HERC1: variants seen among roughly 807,000 people sequenced by gnomAD.
HERC1 encodes the protein HECT and RLD domain containing E3 ubiquitin protein ligase family member 1.
In HERC1, 160 loss-of-function variants were observed where a neutral mutation model predicts 554.3. The ratio of observed to expected loss-of-function variants is 0.29; its 90% CI spans 0.25 to 0.33. The LOEUF (loss-of-function observed/expected upper bound fraction) is 0.33. HERC1 is among the 10% of genes least tolerant of loss of function. HERC1 has a pLI of 1.00. For missense variants in HERC1, 4,919 were observed against 5,918.5 expected, an observed-to-expected ratio of 0.83 and a Z score of 5.54; for synonymous variants, 2,175 against 2,131.7, an observed-to-expected ratio of 1.02 and a Z score of -0.56.
chr15:63,789,815 A>AATAAATAAATAT (rs1194003043), intron 1 of HERC1, among the ~76,000 whole-genome samples: 1 of 149,718 alleles, frequency 6.7e-6, no homozygotes, highest in Non-Finnish European at 1.5e-5. Context: ...TAAATAAATA[A>AATAAATAAATAT]ATAAATAAAT....
At chr15:63,785,362 G>GA (rs1226337616) in intron 1 of HERC1, among the ~76,000 whole-genome samples, 4 of 152,150 alleles carry the variant, frequency 2.6e-5, no homozygotes, top group African/African-American at 9.7e-5. Context: ...TCAAAGCTGT[G>GA]AGCTATAAGT....
chr15:63,634,596 TATCA>T, intron 66 of HERC1, 133 bp downstream of exon 66: 1 of 619,750 alleles, frequency 1.6e-6, no homozygotes, highest in Non-Finnish European at 2.7e-6. Context: ...CAGTTAAAAT[TATCA>T]ATTAGACCAT....
chr15:63,635,993 T>A lies in HERC1; in HGVS notation c.12382A>T (p.Ile4128Phe). Residue 4128 changes from isoleucine to phenylalanine, a missense_variant, in exon 65 of 78, where the codon ATC (isoleucine) becomes TTC (phenylalanine). Coordinates refer to ENST00000443617, the MANE Select transcript of HERC1 (RefSeq NM_003922.4). ...NSDRQRRPRQ[I>F]EALQGEEVVQ... ...ACTTCTTCTCCTTGTAAGGCCTCGA[T>A]CTGCCTGGGCCGCCGCTGCCTGTCG... is the stretch of plus-strand genomic sequence containing the variant. The A allele has an allele frequency of 6.2e-7, 1 of 1,613,978 alleles. No homozygotes were observed. The highest frequency in any genetic ancestry group is 8.5e-7 in the Non-Finnish European group (1 of 1,179,874).
intron 77 of HERC1, among the ~76,000 whole-genome samples, chr15:63,609,862 G>T (rs1411673120): frequency 6.6e-6 from 1 of 152,152 alleles, no homozygotes; most frequent in African/African-American, 2.4e-5. Flanking sequence ...CATTTAAAAT[G>T]ATAATTATGA....
intron 1 of HERC1, among the ~76,000 whole-genome samples, chr15:63,795,188 G>C (rs1291101842): frequency 1.3e-5 from 2 of 150,564 alleles, no homozygotes; most frequent in Non-Finnish European, 2.9e-5. Context: ...ACAAGTTTCT[G>C]CTTTAAAGAT....
intron 37 of HERC1, among the ~76,000 whole-genome samples, chr15:63,675,824 A>ATTACC (rs760191751): frequency 8.0e-5 from 12 of 150,722 alleles, no homozygotes; most frequent in East Asian, 3.9e-4. Flanking sequence ...TTGGTTCTAT[A>ATTACC]TTACCTTTCT....
intron 1 of HERC1, among the ~76,000 whole-genome samples, chr15:63,827,265 TCAA>T (rs903767791): frequency 6.6e-6 from 1 of 151,802 alleles, no homozygotes; most frequent in Non-Finnish European, 1.5e-5. Flanking sequence ...TCTCAAAAAA[TCAA>T]CAAATTAGCC....
chr15:63,763,105 C>T (rs991112610), intron 3 of HERC1, among the ~76,000 whole-genome samples: 3 of 152,198 alleles, frequency 2.0e-5, no homozygotes, highest in East Asian at 1.9e-4. Context: ...ATAGCCATGG[C>T]CCCCTGGTGT....
At chr15:63,621,168 A>C (rs938497063) in intron 74 of HERC1, among the ~76,000 whole-genome samples, 12 of 152,090 alleles carry the variant, frequency 7.9e-5, no homozygotes, top group African/African-American at 2.4e-4. Context: ...TTCCTTCAGG[A>C]GCTCTTTTAG....
intron 39 of HERC1, 77 bp from the exon 40 acceptor site, chr15:63,669,775 GA>G (rs1234489151): frequency 3.0e-6 from 4 of 1,346,404 alleles, no homozygotes; most frequent in Non-Finnish European, 4.2e-6. Flanking sequence ...TCTTATAGAA[GA>G]ATATGCAACC....
intron 1 of HERC1, among the ~76,000 whole-genome samples, chr15:63,833,055 T>C (rs1334791879): frequency 6.6e-6 from 1 of 151,996 alleles, no homozygotes. Flanking sequence ...CTGGGAGAGG[T>C]GGTACAAGCT....
At chr15:63,691,253 G>A (rs1030414036) in intron 31 of HERC1, among the ~76,000 whole-genome samples, 1 of 151,776 alleles carries the variant, frequency 6.6e-6, no homozygotes, top group South Asian at 2.1e-4. Flanking sequence ...ATCACTTAAG[G>A]CCAGGAGTTC....
chr15:63,821,102 C>T (rs373231410), intron 1 of HERC1, among the ~76,000 whole-genome samples: 1 of 152,174 alleles, frequency 6.6e-6, no homozygotes, highest in Non-Finnish European at 1.5e-5. Context: ...GTTTAACTGA[C>T]TCAACAGTCC....
chr15:63,713,851 A>G (rs2073419353), intron 22 of HERC1, 186 bp from the exon 23 acceptor site: 1 of 509,358 alleles, frequency 2.0e-6, no homozygotes, highest in Non-Finnish European at 3.5e-6. Flanking sequence ...CTAAAATACT[A>G]TATTTTCATA....
intron 31 of HERC1, among the ~76,000 whole-genome samples, chr15:63,691,146 G>A (rs936842217): frequency 6.6e-6 from 1 of 152,114 alleles, no homozygotes; most frequent in Non-Finnish European, 1.5e-5. Flanking sequence ...AGGGTTAACC[G>A]GGAGTAAACA....
intron 1 of HERC1, among the ~76,000 whole-genome samples, chr15:63,808,766 A>G (rs2077208054): frequency 6.6e-6 from 1 of 152,242 alleles, no homozygotes; most frequent in Admixed American, 6.5e-5. Context: ...CAAAGCAGAC[A>G]CTAGATGTCA....
chr15:63,819,933 T>A (rs915687386), intron 1 of HERC1, among the ~76,000 whole-genome samples: 22 of 152,186 alleles, frequency 1.4e-4, no homozygotes, highest in African/African-American at 4.8e-4. Context: ...TTTTACCCCA[T>A]AAGTTTAAAC....
At chr15:63,771,954 TA>T (rs1185043796) in intron 2 of HERC1, among the ~76,000 whole-genome samples, 2 of 151,994 alleles carry the variant, frequency 1.3e-5, no homozygotes, top group Admixed American at 1.3e-4. Context: ...CCGTCTCTAC[TA>T]AAAATACAGA....
In HERC1 at chr15:63,747,964, G is replaced by GC. The variant is rs1205179484; in HGVS notation, c.2220-107dup. ...ATATTGGCTGGGCACGGTGGCTCAT[G>GC]CCTGTAATCCTAGCACTTTGGGAGG... On this transcript the variant is annotated intron_variant, in intron 10 of 77. Transcript: ENST00000443617. 5.0e-5 allele frequency: 56 copies of GC among 1,117,630 alleles called. No individual in the cohort carries two copies. In the African/African-American group the frequency reaches 8.3e-4, roughly 17 times the overall value. The allele number at this position is 1,117,630 out of a possible 1,614,324, so 69.2% of individuals were successfully genotyped here. A position where few individuals can be genotyped will look rare whatever the true frequency, so the allele number is the denominator to read the frequency against.
Sources: gnomAD v4.1 joint callset for allele counts (sites outside exome capture counted in the v4.1 genomes callset) on GRCh38, gnomAD v4.1.1 for gene constraint, MANE v1.5 for transcripts, NCBI Gene and HGNC (gene_info 2026-07-23, HGNC 2026-07-21) for gene names.